Variants in ITSN1 observed in about 807,000 individuals in gnomAD.
ITSN1 encodes the protein intersectin-1.
Under a neutral mutation model 239.8 loss-of-function variants are expected in ITSN1, and 58 were observed. That is an observed-to-expected ratio of 0.24 (90% CI 0.20 to 0.30). ITSN1 has a LOEUF of 0.30. Ranked by LOEUF, ITSN1 falls within the 10% of genes least tolerant of loss-of-function variation. ITSN1 has a pLI of 1.00. For missense variants in ITSN1, 1,558 were observed against 2,103.3 expected (o/e 0.74, Z 5.07); for synonymous variants, 780 against 770.8 (o/e 1.01, Z -0.20).
intron 20 of ITSN1, 85 bp downstream of exon 20, chr21:33,802,529 G>A (rs1172828509): frequency 1.8e-5 from 23 of 1,311,472 alleles, no homozygotes; most frequent in Non-Finnish European, 2.3e-5. Flanking sequence ...GTAAGTACAC[G>A]TATCTCTGGG....
chr21:33,794,538 C>A, intron 17 of ITSN1, 70 bp downstream of exon 17: 2 of 1,540,650 alleles, frequency 1.3e-6, no homozygotes, highest in Admixed American at 2.1e-5. Flanking sequence ...TGCTTGGCTT[C>A]TCCAAGTAGT....
chr21:33,782,468 T>G (rs2061709119), intron 16 of ITSN1, among the ~76,000 whole-genome samples: 1 of 152,242 alleles, frequency 6.6e-6, no homozygotes, highest in African/African-American at 2.4e-5. Context: ...TTTTCTTTTT[T>G]AAAACTAAGA....
intron 38 of ITSN1, among the ~76,000 whole-genome samples, 159 bp from the exon 39 acceptor site, chr21:33,886,128 C>T (rs529293619): frequency 6.6e-6 from 1 of 151,448 alleles, no homozygotes; most frequent in South Asian, 2.1e-4. Flanking sequence ...AGGAGAATCA[C>T]TTGAGCTCAG....
rs138328207 is a variant in ITSN1, at chr21:33,835,801, C to T, written c.3470-640C>T. On this transcript the variant is annotated intron_variant, in intron 28 of 39. Transcript: ENST00000381318. ...GAAAAATTAGCCAGGCGTAGTGGTG[C>T]ATGCCTGTAATCCCAGCTACTCAAG... Among the ~76,000 whole-genome samples the T allele has an allele frequency of 4.5e-3, 685 of 152,242 alleles. 3 individuals carry two copies. The highest frequency in any genetic ancestry group is 0.016 in the African/African-American group (651 of 41,554).
At chr21:33,753,761 TAAAAAAAAA>T (rs760085854) in intron 7 of ITSN1, among the ~76,000 whole-genome samples, 26 of 81,764 alleles carry the variant, frequency 3.2e-4, no homozygotes, top group Admixed American at 1.9e-3. Flanking sequence ...GTCTCTTTCT[TAAAAAAAAA>T]AAAAAAAAAA....
At chr21:33,771,385 C>G (rs2069147127) in intron 11 of ITSN1, among the ~76,000 whole-genome samples, 3 of 151,590 alleles carry the variant, frequency 2.0e-5, no homozygotes, top group Admixed American at 1.3e-4. Flanking sequence ...TGCGTGAGGC[C>G]AACACAGAAA....
At chr21:33,668,128 TCA>T (rs1247296673) in intron 1 of ITSN1, among the ~76,000 whole-genome samples, 3 of 152,236 alleles carry the variant, frequency 2.0e-5, no homozygotes, top group African/African-American at 7.2e-5. Flanking sequence ...AGATGCATTT[TCA>T]CAGTTTTCTC....
intron 33 of ITSN1, among the ~76,000 whole-genome samples, chr21:33,869,668 G>A (rs1982371508): frequency 6.6e-6 from 1 of 152,242 alleles, no homozygotes. Flanking sequence ...CTGAGCCTAT[G>A]TTTGTAAAAC....
chr21:33,716,885 G>C (rs764929544), intron 1 of ITSN1, among the ~76,000 whole-genome samples: 41 of 151,324 alleles, frequency 2.7e-4, no homozygotes, highest in Non-Finnish European at 5.2e-4. Flanking sequence ...CTGGGAGGCA[G>C]AGGTTGCAGT....
chr21:33,725,705 C>G, intron 4 of ITSN1, among the ~76,000 whole-genome samples: 1 of 152,154 alleles, frequency 6.6e-6, no homozygotes, highest in East Asian at 1.9e-4. Context: ...ATGTGGCAAT[C>G]TTAGATTGAA....
At chr21:33,859,175 A>G (rs1202234539) in intron 31 of ITSN1, among the ~76,000 whole-genome samples, 1 of 152,094 alleles carries the variant, frequency 6.6e-6, no homozygotes, top group Non-Finnish European at 1.5e-5. Context: ...TGGTCTTTTG[A>G]GGCATTCTTG....
intron 34 of ITSN1, among the ~76,000 whole-genome samples, chr21:33,879,771 A>G (rs996674152): frequency 2.6e-5 from 4 of 151,974 alleles, no homozygotes; most frequent in African/African-American, 7.2e-5. Flanking sequence ...CCTCCACCTC[A>G]TGGGTTCAAG....
chr21:33,713,491 C>T (rs2092475059), intron 1 of ITSN1, among the ~76,000 whole-genome samples: 1 of 149,428 alleles, frequency 6.7e-6, no homozygotes, highest in South Asian at 2.1e-4. Flanking sequence ...ATCTGCTTGC[C>T]TCGGCCTCCC....
intron 1 of ITSN1, among the ~76,000 whole-genome samples, chr21:33,697,015 G>A (rs1029524848): frequency 2.0e-5 from 3 of 151,530 alleles, no homozygotes; most frequent in African/African-American, 7.3e-5. Flanking sequence ...TTTCCTTTAT[G>A]TATGGGCTTT....
At chr21:33,883,481 AC>A (rs1985268996) in intron 35 of ITSN1, 68 bp from the exon 36 acceptor site, 2 of 1,589,220 alleles carry the variant, frequency 1.3e-6, no homozygotes, top group Non-Finnish European at 8.6e-7. Context: ...GTGTGCTCAC[AC>A]ACTCACGGTT....
At chr21:33,793,484 A>T (rs921704332) in intron 16 of ITSN1, among the ~76,000 whole-genome samples, 4 of 152,180 alleles carry the variant, frequency 2.6e-5, no homozygotes, top group African/African-American at 9.7e-5. Context: ...TCTATTGGTG[A>T]CCATTTGATT....
intron 1 of ITSN1, among the ~76,000 whole-genome samples, chr21:33,679,324 A>G (rs1411598379): frequency 6.6e-6 from 1 of 151,954 alleles, no homozygotes; most frequent in East Asian, 1.9e-4. Context: ...TTCCATTGCA[A>G]CTCTTCACTG....
intron 1 of ITSN1, among the ~76,000 whole-genome samples, chr21:33,712,058 T>C (rs2092433172): frequency 6.6e-6 from 1 of 152,272 alleles, no homozygotes; most frequent in Non-Finnish European, 1.5e-5. Context: ...TCTCTGCTGA[T>C]AACTTGTATC....
intron 1 of ITSN1, among the ~76,000 whole-genome samples, chr21:33,718,560 G>A (rs114081097): frequency 1.3e-5 from 2 of 152,122 alleles, no homozygotes; most frequent in Non-Finnish European, 1.5e-5. Context: ...TCAGGGACTT[G>A]AGGATCCACG....
Sources: allele counts gnomAD v4.1 joint callset (sites outside exome capture counted in the v4.1 genomes callset), GRCh38; gene constraint gnomAD v4.1.1; transcripts MANE v1.5; gene names NCBI Gene and HGNC (gene_info 2026-07-23, HGNC 2026-07-21).